The following DTNA variants were observed in gnomAD, a reference collection of about 807,000 sequenced individuals.
The protein encoded by DTNA is dystrobrevin alpha.
A neutral mutation model predicts 100.7 loss-of-function variants in DTNA; 43 were observed. The ratio of observed to expected loss-of-function variants is 0.43; its 90% CI spans 0.33 to 0.55. The LOEUF (loss-of-function observed/expected upper bound fraction) is 0.55, where lower values mean the gene tolerates loss of function less well. DTNA is among the 20% of genes least tolerant of loss of function. DTNA has a pLI of 0.04. For synonymous variants in DTNA, 349 were observed against 347.9 expected (o/e 1.00, Z -0.04); for missense variants, 798 against 953.9 (o/e 0.84, Z 2.15).
At chr18:34,851,975 C>A (rs773033829) in intron 15 of DTNA, 47 bp downstream of exon 15, 1 of 1,579,742 alleles carries the variant, frequency 6.3e-7, no homozygotes, top group East Asian at 2.2e-5. Context: ...TGTGCGCATT[C>A]CTTAATAAAC....
chr18:34,732,677 AG>A (rs1371851711), intron 1 of DTNA, among the ~76,000 whole-genome samples: 3 of 152,254 alleles, frequency 2.0e-5, no homozygotes, highest in Non-Finnish European at 4.4e-5. Context: ...TCCCAAGCAA[AG>A]AAAATTAAAT....
At chr18:34,784,669 T>C (rs1476348640) in intron 3 of DTNA, among the ~76,000 whole-genome samples, 1 of 152,220 alleles carries the variant, frequency 6.6e-6, no homozygotes, top group African/African-American at 2.4e-5. Flanking sequence ...AGTTAGGTCA[T>C]CTGAGTGTGT....
At chr18:34,716,738 A>G (rs1249357317) in intron 1 of DTNA, among the ~76,000 whole-genome samples, 1 of 152,226 alleles carries the variant, frequency 6.6e-6, no homozygotes, top group African/African-American at 2.4e-5. Flanking sequence ...TAGCTGAGTT[A>G]ATATAAATAT....
intron 1 of DTNA, among the ~76,000 whole-genome samples, chr18:34,666,023 G>A (rs530479065): frequency 1.4e-3 from 218 of 152,272 alleles, no homozygotes; most frequent in Non-Finnish European, 2.7e-3. Flanking sequence ...GGTTAAACTA[G>A]TTTACAGTCC....
chr18:34,633,106 C>G (rs1220917934), intron 1 of DTNA, among the ~76,000 whole-genome samples: 2 of 152,090 alleles, frequency 1.3e-5, no homozygotes, highest in Non-Finnish European at 2.9e-5. Context: ...AATGTATCTT[C>G]CTTGTGATGA....
At chr18:34,718,866 G>T (rs1048347659) in intron 1 of DTNA, among the ~76,000 whole-genome samples, 8 of 152,204 alleles carry the variant, frequency 5.3e-5, no homozygotes, top group Non-Finnish European at 1.2e-4. Context: ...CATACAGCAG[G>T]ACAGAGAGGA....
chr18:34,806,398 A>G (rs1303402924), intron 5 of DTNA, 94 bp downstream of exon 5: 14 of 1,011,352 alleles, frequency 1.4e-5, no homozygotes, highest in Non-Finnish European at 2.2e-5. Flanking sequence ...CCCCATTTGT[A>G]TCTTTCCTCA....
At chr18:34,551,697 G>A (rs1287669069) in intron 1 of DTNA, among the ~76,000 whole-genome samples, 2 of 152,220 alleles carry the variant, frequency 1.3e-5, no homozygotes, top group East Asian at 1.9e-4. Flanking sequence ...GCTGAACATA[G>A]CAGGAGGGCT....
chr18:34,694,612 C>T (rs2080251032), intron 1 of DTNA, among the ~76,000 whole-genome samples: 1 of 152,058 alleles, frequency 6.6e-6, no homozygotes. Flanking sequence ...GTATAATATG[C>T]CTTCACACTC....
At position 34,635,016 on chromosome 18, in the gene DTNA, C is replaced by A. The variant is rs187307548; in HGVS notation, c.-1-120960C>A. ...TCCTAACTGAAATGTATCCTTCAACCAATATCCCCCCACTCCCCACCCTAA... is the reference window on the plus strand; with the variant it reads ...TCCTAACTGAAATGTATCCTTCAACAAATATCCCCCCACTCCCCACCCTAA... On this transcript the variant is annotated intron_variant, in intron 1 of 19. Coordinates refer to the DTNA transcript ENST00000283365. Among the ~76,000 whole-genome samples the A allele has an allele frequency of 3.6e-3, 543 of 152,182 alleles. 15 individuals carry two copies. The highest frequency in any genetic ancestry group is 0.031 in the Admixed American group (473 of 15,290).
intron 1 of DTNA, among the ~76,000 whole-genome samples, chr18:34,747,095 T>C (rs1337759264): frequency 1.5e-5 from 1 of 67,590 alleles, no homozygotes; most frequent in African/African-American, 3.9e-5. Flanking sequence ...TCTATATCTA[T>C]ATCTGTATCT....
chr18:34,747,960 C>A (rs2091863342), intron 1 of DTNA, among the ~76,000 whole-genome samples: 1 of 152,130 alleles, frequency 6.6e-6, no homozygotes, highest in African/African-American at 2.4e-5. Flanking sequence ...TCACCCCATC[C>A]ACACCAATGT....
At chr18:34,871,409 A>G (rs547279685) in intron 17 of DTNA, among the ~76,000 whole-genome samples, 191 of 152,316 alleles carry the variant, frequency 1.3e-3, no homozygotes, top group Middle Eastern at 0.01. Context: ...CAAGTGTGAT[A>G]TATGTTTTCC....
At chr18:34,868,139 G>A (rs541142360) in intron 17 of DTNA, 4 of 339,350 alleles carry the variant, frequency 1.2e-5, no homozygotes, top group African/African-American at 2.4e-5. Context: ...TACTCTGCAT[G>A]TTCTGGCAAT....
chr18:34,665,012 TC>T (rs1482025522), intron 1 of DTNA, among the ~76,000 whole-genome samples: 2 of 151,044 alleles, frequency 1.3e-5, no homozygotes, highest in Non-Finnish European at 2.9e-5. Flanking sequence ...GGTACTCATC[TC>T]CCCAGAGTCA....
chr18:34,888,132 CA>C lies in DTNA; in HGVS notation c.*400del. ...CTGTTATACACAATGGCAGTATTAA[CA>C]AGCATTTTAAACCTTTGCACATGAT... On this transcript the variant is annotated 3_prime_UTR_variant, in exon 23 of 23. Coordinates refer to ENST00000444659, the MANE Select transcript of DTNA (RefSeq NM_001386795.1). 1 of 985,852 alleles carries C rather than the reference CA, an allele frequency of 1.0e-6. No individual in the cohort carries two copies. The highest frequency in any genetic ancestry group is 6.1e-5 in the Admixed American group (1 of 16,290). 61.1% of individuals were successfully genotyped at this position (985,852 alleles called of 1,614,324 possible).
chr18:34,657,929 A>G (rs2074625903), intron 1 of DTNA, among the ~76,000 whole-genome samples: 1 of 152,088 alleles, frequency 6.6e-6, no homozygotes, highest in Admixed American at 6.6e-5. Flanking sequence ...TATTAATGAA[A>G]CCTCTGCTCA....
At chr18:34,621,375 C>T (rs2056471817) in intron 1 of DTNA, among the ~76,000 whole-genome samples, 1 of 151,976 alleles carries the variant, frequency 6.6e-6, no homozygotes. Flanking sequence ...GGTCCACTCC[C>T]ACGTTCACTG....
chr18:34,854,233 C>A (rs1257888283), intron 15 of DTNA, among the ~76,000 whole-genome samples: 1 of 152,150 alleles, frequency 6.6e-6, no homozygotes, highest in Non-Finnish European at 1.5e-5. Flanking sequence ...GAAAAAGAAG[C>A]AAAATAAGCC....
Sources: allele counts gnomAD v4.1 joint callset (sites outside exome capture counted in the v4.1 genomes callset), GRCh38; gene constraint gnomAD v4.1.1; transcripts MANE v1.5; gene names NCBI Gene and HGNC (gene_info 2026-07-23, HGNC 2026-07-21).